ADPGK: variants seen among roughly 807,000 people sequenced by gnomAD.
The protein encoded by ADPGK is ADP dependent glucokinase.
In ADPGK, 26 loss-of-function variants were observed where a neutral mutation model predicts 42.4. That is an observed-to-expected ratio of 0.61 (90% CI 0.45 to 0.85). The LOEUF is 0.85. ADPGK is among the 40% of genes least tolerant of loss of function. The pLI is 0.00. For synonymous variants in ADPGK, 267 were observed against 252.6 expected, an observed-to-expected ratio of 1.06 and a Z score of -0.54; for missense variants, 571 against 627.0, an observed-to-expected ratio of 0.91 and a Z score of 0.95.
intron 6 of ADPGK, among the ~76,000 whole-genome samples, chr15:72,754,316 C>T (rs991522373): frequency 2.0e-5 from 3 of 152,080 alleles, no homozygotes; most frequent in East Asian, 3.9e-4. Flanking sequence ...CCCCACACAC[C>T]GCTGATGACG....
chr15:72,777,262 C>G (rs189727942), intron 1 of ADPGK, among the ~76,000 whole-genome samples: 53 of 152,198 alleles, frequency 3.5e-4, no homozygotes, highest in African/African-American at 1.2e-3. Flanking sequence ...ACAGTGAGGG[C>G]TTGAGTAAGG....
chr15:72,769,424 C>A (rs2066301761), intron 3 of ADPGK, among the ~76,000 whole-genome samples: 1 of 152,214 alleles, frequency 6.6e-6, no homozygotes, highest in African/African-American at 2.4e-5. Flanking sequence ...CGGCTCACTG[C>A]AACCTCCGCC....
At chr15:72,757,955 A>G in intron 4 of ADPGK, 1 of 956,778 alleles carries the variant, frequency 1.0e-6, no homozygotes, top group South Asian at 1.6e-5. Flanking sequence ...AGAACCGTGC[A>G]GAGCTGCTTG....
intron 3 of ADPGK, among the ~76,000 whole-genome samples, chr15:72,761,022 C>A (rs1664456848): frequency 6.6e-6 from 1 of 152,110 alleles, no homozygotes; most frequent in African/African-American, 2.4e-5. Flanking sequence ...ACCGCATGCA[C>A]CAAGGACAGG....
At chr15:72,756,585 A>G (rs2066117917) in intron 4 of ADPGK, 138 bp from the exon 5 acceptor site, 3 of 866,536 alleles carry the variant, frequency 3.5e-6, no homozygotes, top group South Asian at 3.5e-5. Flanking sequence ...CCCAGCAACA[A>G]TGGCCTAAGG....
intron 1 of ADPGK, among the ~76,000 whole-genome samples, chr15:72,780,462 G>A (rs1019858324): frequency 6.6e-6 from 1 of 152,184 alleles, no homozygotes; most frequent in African/African-American, 2.4e-5. Flanking sequence ...GATGAGATTT[G>A]AGTGGGGACA....
chr15:72,774,115 T>C (rs2066360769), intron 2 of ADPGK, among the ~76,000 whole-genome samples: 1 of 152,212 alleles, frequency 6.6e-6, no homozygotes, highest in African/African-American at 2.4e-5. Context: ...AGTGCTGGGA[T>C]TACAGGCGTG....
In ADPGK at chr15:72,754,213, T is replaced by C. The variant is rs1358043507; in HGVS notation, c.940-1318A>G. 2.0e-5 allele frequency among the ~76,000 whole-genome samples: 3 copies of C among 151,998 alleles called. No individual in the cohort carries two copies. In the East Asian group the frequency reaches 5.8e-4, roughly 29 times the overall value. ...GAACCTGCAGATAGGGAGGGCCAAC[T>C]TGTCTAATCCACAGATTCCACAGGG... On this transcript the variant is annotated intron_variant, in intron 6 of 6. Coordinates refer to ENST00000456471, the MANE Select transcript of ADPGK (RefSeq NM_001365225.1).
intron 1 of ADPGK, chr15:72,782,792 T>C (rs2066480830): frequency 6.6e-6 from 1 of 152,102 alleles, no homozygotes; most frequent in African/African-American, 2.4e-5. Flanking sequence ...AAGTTAGTGT[T>C]TACAGTATCA....
At chr15:72,760,648 C>T in intron 3 of ADPGK, 121 bp from the exon 4 acceptor site, 2 of 1,305,742 alleles carry the variant, frequency 1.5e-6, no homozygotes, top group Middle Eastern at 2.9e-4. Context: ...TATTGGAATC[C>T]AAATCTAATT....
At position 72,774,654 on chromosome 15, in the gene ADPGK, G is replaced by A. The variant is rs140337051; in HGVS notation, c.459+218C>T. Among the ~76,000 whole-genome samples, 45 of 152,268 alleles carry A rather than the reference G, an allele frequency of 3.0e-4. No individual in the cohort carries two copies. In the East Asian group the frequency reaches 8.5e-3, roughly 29 times the overall value. On this transcript the variant is annotated intron_variant, in intron 2 of 6. Transcript: ENST00000456471. ...CATCTACTGAATCTGAACTCTGGTA[G>A]TAGGCCCAGAAATCTGTGTTTCAAC...
At chr15:72,764,562 T>C (rs2066234664) in intron 3 of ADPGK, among the ~76,000 whole-genome samples, 1 of 152,150 alleles carries the variant, frequency 6.6e-6, no homozygotes, top group Non-Finnish European at 1.5e-5. Flanking sequence ...AAATGCAAGG[T>C]GAGGCAGCAA....
chr15:72,759,494 A>G (rs1407298089), intron 4 of ADPGK, among the ~76,000 whole-genome samples: 2 of 152,236 alleles, frequency 1.3e-5, no homozygotes, highest in Non-Finnish European at 2.9e-5. Context: ...AGAACATGTT[A>G]CAACTCTTTT....
rs1259732526 is a variant in ADPGK at position 72,752,836 on chromosome 15, G to A, written c.999C>T (p.Thr333=). Residue 333 remains threonine, a synonymous_variant, in exon 7 of 7, where the codon ACC becomes ACT. Transcript: ENST00000456471. ...GLNEQELLFL[T]QSASGPHSSL... is the part of the protein sequence containing the mutation. ...AAGAGTGAGGTCCAGAGGCTGACTGGGTGAGAAATAACAGCTCCTGTTCAT... is the reference window on the plus strand; with the variant it reads ...AAGAGTGAGGTCCAGAGGCTGACTGAGTGAGAAATAACAGCTCCTGTTCAT... 5 of 1,614,188 alleles carry A rather than the reference G, an allele frequency of 3.1e-6. No individual in the cohort carries two copies. Among genetic ancestry groups the A allele is most frequent in the Non-Finnish European group, 4.2e-6 (5 of 1,180,038 alleles).
intron 4 of ADPGK, chr15:72,758,283 T>TA: frequency 4.0e-6 from 3 of 743,352 alleles, no homozygotes; most frequent in Non-Finnish European, 7.2e-6. Flanking sequence ...CAAAGTGTTG[T>TA]ATTCATTCCT....
chr15:72,753,103 A>G (rs908759565), intron 6 of ADPGK, among the ~76,000 whole-genome samples: 2 of 152,244 alleles, frequency 1.3e-5, no homozygotes, highest in African/African-American at 4.8e-5. Flanking sequence ...GGAAAGCTGC[A>G]GTAACATTGT....
intron 3 of ADPGK, among the ~76,000 whole-genome samples, chr15:72,765,155 CT>C (rs199824004): frequency 1.3e-5 from 2 of 151,414 alleles, no homozygotes; most frequent in East Asian, 3.9e-4. Context: ...GTTATTTTGA[CT>C]TTTTTTTTGA....
intron 3 of ADPGK, among the ~76,000 whole-genome samples, chr15:72,763,507 G>T (rs2151078862): frequency 6.6e-6 from 1 of 152,070 alleles, no homozygotes; most frequent in Non-Finnish European, 1.5e-5. Flanking sequence ...TCTAAACAAA[G>T]AAATGAAGAA....
chr15:72,760,242 G>T, intron 4 of ADPGK, 165 bp downstream of exon 4: 1 of 797,518 alleles, frequency 1.3e-6, no homozygotes, highest in South Asian at 2.9e-5. Flanking sequence ...TTGAGACAAC[G>T]GCCAGTATCA....
Sources: gnomAD v4.1 joint callset for allele counts (sites outside exome capture counted in the v4.1 genomes callset) on GRCh38, gnomAD v4.1.1 for gene constraint, MANE v1.5 for transcripts, NCBI Gene and HGNC (gene_info 2026-07-23, HGNC 2026-07-21) for gene names.